Variants in SLC24A2 observed in about 807,000 individuals in gnomAD.
SLC24A2 encodes solute carrier family 24 member 2.
Under a neutral mutation model 62.0 loss-of-function variants are expected in SLC24A2, and 36 were observed. The observed-to-expected ratio is 0.58, with a 90% CI of 0.44 to 0.77. The LOEUF (loss-of-function observed/expected upper bound fraction) is 0.77, where lower values mean the gene tolerates loss of function less well. SLC24A2 is among the 30% of genes least tolerant of loss of function. The pLI is 0.00. For synonymous variants in SLC24A2, 358 were observed against 294.0 expected, an observed-to-expected ratio of 1.22 and a Z score of -2.23; for missense variants, 846 against 817.9, an observed-to-expected ratio of 1.03 and a Z score of -0.42.
chr9:19,706,172 C>G (rs1306565703), intron 2 of SLC24A2, among the ~76,000 whole-genome samples: 4 of 151,278 alleles, frequency 2.6e-5, no homozygotes, highest in African/African-American at 9.7e-5. Context: ...GAATTGATCC[C>G]TTTACCATTA....
chr9:20,012,337 T>TA, the SLC24A2 span, among the ~76,000 whole-genome samples: 102 of 152,282 alleles, frequency 6.7e-4, no homozygotes, highest in Non-Finnish European at 1.2e-3. Context: ...CTCCCCTTTT[T>TA]AAACCATCAG....
At chr9:19,875,920 G>A in the SLC24A2 span, among the ~76,000 whole-genome samples, 1 of 152,136 alleles carries the variant, frequency 6.6e-6, no homozygotes, top group East Asian at 1.9e-4. Flanking sequence ...TTCTCCAGTT[G>A]TGCATGGTAA....
the SLC24A2 span, among the ~76,000 whole-genome samples, chr9:19,959,342 T>C: frequency 6.6e-6 from 1 of 152,176 alleles, no homozygotes; most frequent in East Asian, 1.9e-4. Flanking sequence ...CAGATGGACA[T>C]GGCTTTAAAA....
At chr9:19,532,016 C>T (rs904620730) in intron 8 of SLC24A2, among the ~76,000 whole-genome samples, 5 of 152,086 alleles carry the variant, frequency 3.3e-5, no homozygotes, top group Non-Finnish European at 5.9e-5. Context: ...CTGCAGATGC[C>T]CAAATCCATA....
chr9:19,739,510 T>A (rs1158368305), intron 2 of SLC24A2, among the ~76,000 whole-genome samples: 1 of 152,100 alleles, frequency 6.6e-6, no homozygotes, highest in Non-Finnish European at 1.5e-5. Flanking sequence ...AGAAACAAAC[T>A]CATACTTATA....
the SLC24A2 span, among the ~76,000 whole-genome samples, chr9:20,063,295 T>C: frequency 6.6e-6 from 1 of 150,922 alleles, no homozygotes; most frequent in Non-Finnish European, 1.5e-5. Context: ...ATATACACCA[T>C]GGAATACTAG....
chr9:19,808,816 G>A, the SLC24A2 span, among the ~76,000 whole-genome samples: 1 of 152,144 alleles, frequency 6.6e-6, no homozygotes, highest in South Asian at 2.1e-4. This position sits in a 1 kb window ranked among gnomAD's most constrained non-coding sequence, Gnocchi z 4.1. Flanking sequence ...CATTCTGTTT[G>A]CTTATTATGA....
the SLC24A2 span, among the ~76,000 whole-genome samples, chr9:20,226,037 G>T: frequency 6.6e-6 from 1 of 152,146 alleles, no homozygotes; most frequent in East Asian, 1.9e-4. Flanking sequence ...CCCTGAAACT[G>T]TGGAGATGGT....
At chr9:19,733,775 C>A (rs879598440) in intron 2 of SLC24A2, among the ~76,000 whole-genome samples, 9 of 152,152 alleles carry the variant, frequency 5.9e-5, no homozygotes, top group Admixed American at 1.3e-4. Flanking sequence ...CACCTCTGAC[C>A]TACGTTTGTG....
the SLC24A2 span, among the ~76,000 whole-genome samples, chr9:19,946,144 G>C: frequency 6.6e-6 from 1 of 152,184 alleles, no homozygotes; most frequent in Non-Finnish European, 1.5e-5. Context: ...AATTGGCCAT[G>C]AGCAAAGGCG....
At chr9:19,764,124 T>C (rs1280400712) in intron 2 of SLC24A2, among the ~76,000 whole-genome samples, 1 of 152,238 alleles carries the variant, frequency 6.6e-6, no homozygotes, top group East Asian at 1.9e-4. Context: ...TATTCTTGGA[T>C]GGTAGTTTGT....
the SLC24A2 span, among the ~76,000 whole-genome samples, chr9:19,872,220 C>G: frequency 1.3e-5 from 2 of 152,166 alleles, no homozygotes; most frequent in Non-Finnish European, 2.9e-5. Context: ...TTTAGAGATT[C>G]AGGCAGTTAC....
the SLC24A2 span, among the ~76,000 whole-genome samples, chr9:20,264,279 G>A: frequency 6.6e-6 from 1 of 152,174 alleles, no homozygotes; most frequent in Non-Finnish European, 1.5e-5. Flanking sequence ...CCCTTGAGAG[G>A]AAGATTACAT....
chr9:19,920,564 G>T, the SLC24A2 span, among the ~76,000 whole-genome samples: 4 of 152,118 alleles, frequency 2.6e-5, no homozygotes, highest in African/African-American at 7.2e-5. Flanking sequence ...CCAACGTACC[G>T]CTATGGGCTA....
intron 2 of SLC24A2, among the ~76,000 whole-genome samples, chr9:19,700,800 C>T (rs1233259619): frequency 6.6e-6 from 1 of 152,196 alleles, no homozygotes; most frequent in Non-Finnish European, 1.5e-5. Flanking sequence ...CTGACAACCA[C>T]ATGCTTTGAA....
chr9:19,869,626 T>A, the SLC24A2 span, among the ~76,000 whole-genome samples: 1 of 152,342 alleles, frequency 6.6e-6, no homozygotes, highest in East Asian at 1.9e-4. Context: ...TAATTTATGA[T>A]AATCTATTTC....
At chr9:20,145,903 T>C in the SLC24A2 span, among the ~76,000 whole-genome samples, 1,365 of 149,782 alleles carry the variant, frequency 9.1e-3, 28 homozygotes, top group African/African-American at 0.032. Flanking sequence ...GTTTTTATAA[T>C]ATAATTTGGT....
At chr9:19,532,203 CT>C (rs1164432073) in intron 8 of SLC24A2, among the ~76,000 whole-genome samples, 2 of 152,148 alleles carry the variant, frequency 1.3e-5, no homozygotes, top group Admixed American at 1.3e-4. Context: ...CTACCTCAGC[CT>C]CCTGAGGTAG....
chr9:19,805,355 G>A, the SLC24A2 span, among the ~76,000 whole-genome samples: 1 of 152,038 alleles, frequency 6.6e-6, no homozygotes, highest in Non-Finnish European at 1.5e-5. Flanking sequence ...ACTATCCAAG[G>A]CAACATAAAT....
Sources: allele counts gnomAD v4.1 joint callset (sites outside exome capture counted in the v4.1 genomes callset), GRCh38; gene constraint gnomAD v4.1.1; non-coding constraint Gnocchi (gnomAD v3.1); transcripts MANE v1.5; gene names NCBI Gene and HGNC (gene_info 2026-07-23, HGNC 2026-07-21).